The following RIOK3 variants were observed in gnomAD, a reference collection of about 807,000 sequenced individuals.
The protein encoded by RIOK3 is RIO kinase 3.
A neutral mutation model predicts 63.5 loss-of-function variants in RIOK3; 40 were observed. The observed-to-expected ratio is 0.63, with a 90% confidence interval of 0.49 to 0.82. The LOEUF is 0.82. RIOK3 is among the 40% of genes least tolerant of loss of function. The probability of loss-of-function intolerance (pLI) is 0.00; values close to 1 mark genes in which losing one functional copy is unlikely to be tolerated. For missense variants in RIOK3, 557 were observed against 637.0 expected (o/e 0.87, Z 1.35); for synonymous variants, 193 against 205.0 (o/e 0.94, Z 0.50).
chr18:23,478,072 C>CAA (rs537701761), intron 11 of RIOK3, among the ~76,000 whole-genome samples: 10 of 84,914 alleles, frequency 1.2e-4, no homozygotes, highest in South Asian at 3.5e-4. Context: ...ACTCCTTCTC[C>CAA]AAAAAAAAAA....
intron 1 of RIOK3, among the ~76,000 whole-genome samples, chr18:23,454,531 C>A (rs1475851160): frequency 5.3e-5 from 8 of 152,178 alleles, no homozygotes; most frequent in Non-Finnish European, 5.9e-5. Context: ...GATTAGCAGA[C>A]ATAAAAGGAT....
At position 23,479,330 on chromosome 18, in the gene RIOK3, G is replaced by A. The variant is rs572590558; in HGVS notation, c.1358G>A (p.Gly453Glu). The A allele has an allele frequency of 1.9e-6, 3 of 1,609,020 alleles. No homozygotes were observed. Among genetic ancestry groups the A allele is most frequent in the Non-Finnish European group, 1.7e-6 (2 of 1,175,532 alleles). The change falls in exon 12 of 13, where the codon GGA becomes GAA. Residue 453 changes from glycine (G) to glutamate (E), a missense_variant. Transcript: ENST00000339486. The stretch of plus-strand genomic sequence containing the variant: ...TTTCCTTACTAGTTTTTCCAGAAAG[G>A]AGGAGTCAAGGAAGCCCTTAGTGAA... ...CRNVSQFFQK[G>E]GVKEALSERE...
intron 1 of RIOK3, among the ~76,000 whole-genome samples, chr18:23,461,053 C>T (rs1275658628): frequency 6.6e-6 from 1 of 152,196 alleles, no homozygotes; most frequent in Non-Finnish European, 1.5e-5. Flanking sequence ...CTCATTCACT[C>T]AGGCATAAAT....
intron 1 of RIOK3, among the ~76,000 whole-genome samples, chr18:23,455,801 T>G (rs956998703): frequency 6.6e-6 from 1 of 151,704 alleles, no homozygotes; most frequent in African/African-American, 2.4e-5. Flanking sequence ...ACCTAGCTAA[T>G]TTTTGGGTTT....
chr18:23,455,879 C>A (rs929954261), intron 1 of RIOK3, among the ~76,000 whole-genome samples: 1 of 150,812 alleles, frequency 6.6e-6, no homozygotes, highest in Non-Finnish European at 1.5e-5. Context: ...CTCACTGCAA[C>A]CTCCGCCTCC....
At position 23,470,364 on chromosome 18, in the gene RIOK3, CA is replaced by C. The variant is rs761666919; in HGVS notation, c.815+2852del. Among the ~76,000 whole-genome samples, 929 of 108,610 alleles carry C rather than the reference CA, an allele frequency of 8.6e-3. 5 individuals carry two copies. The highest frequency in any genetic ancestry group is 0.016 in the East Asian group (60 of 3,826). The allele number at this position is 108,610 out of a possible 152,430, so 71.3% of individuals were successfully genotyped here. A position where few individuals can be genotyped will look rare whatever the true frequency, so the allele number is the denominator to read the frequency against. The stretch of plus-strand genomic sequence containing the variant: ...TGGGTGACAGAGCAAGATTCCGTCT[CA>C]AAAAAAAAAAAAATCCAATGTTGAG... On this transcript the variant is annotated intron_variant, in intron 7 of 12. Coordinates refer to ENST00000339486, the MANE Select transcript of RIOK3 (RefSeq NM_003831.5).
Position 23,453,821 on chromosome 18 carries a change from A to G in RIOK3, c.63+319A>G, listed in dbSNP as rs571372017. ...ACCCTGATGATACTGGAGGGGAAAC[A>G]AGCACGATCTTGTTTTTCACTGGCC... On this transcript the variant is annotated intron_variant, in intron 1 of 12. Transcript: ENST00000339486. Among the ~76,000 whole-genome samples the G allele has an allele frequency of 9.1e-4, 139 of 152,396 alleles. No homozygotes were observed. In the Middle Eastern group the frequency reaches 0.014, roughly 15 times the overall value.
At chr18:23,474,924 T>C in intron 8 of RIOK3, 24 bp from the exon 9 acceptor site, 1 of 1,572,490 alleles carries the variant, frequency 6.4e-7, no homozygotes, top group Admixed American at 1.7e-5. Context: ...ATCTGTATAT[T>C]CTGAATCATT....
intron 8 of RIOK3, among the ~76,000 whole-genome samples, chr18:23,474,732 C>G (rs1212643942): frequency 1.3e-5 from 2 of 152,188 alleles, no homozygotes; most frequent in Non-Finnish European, 2.9e-5. Context: ...CATACCTCTG[C>G]CAGTGCGTAA....
At chr18:23,473,721 A>G (rs2057471716) in intron 8 of RIOK3, 95 bp downstream of exon 8, 1 of 943,228 alleles carries the variant, frequency 1.1e-6, no homozygotes, top group East Asian at 2.7e-5. Context: ...CATTTATAGA[A>G]ATAATGAAAG....
rs375302868 is a variant in RIOK3, at chr18:23,455,954, T to C, written c.63+2452T>C. On this transcript the variant is annotated intron_variant, in intron 1 of 12. Coordinates refer to ENST00000339486, the MANE Select transcript of RIOK3 (RefSeq NM_003831.5). ...CTGGGACTACAGGTGCATGCCACCA[T>C]GCCCAGCTAATTTTTATATTTTTAG... 2.4e-4 allele frequency among the ~76,000 whole-genome samples: 37 copies of C among 152,178 alleles called. No individual in the cohort carries two copies. The South Asian group carries it at 5.0e-3, about 20-fold the overall frequency.
At chr18:23,469,228 G>A (rs2057430847) in intron 7 of RIOK3, among the ~76,000 whole-genome samples, 1 of 151,690 alleles carries the variant, frequency 6.6e-6, no homozygotes, top group Admixed American at 6.6e-5. Flanking sequence ...AAGGGAAGGA[G>A]GTATTATACA....
At chr18:23,456,960 A>G (rs1004304141) in intron 1 of RIOK3, among the ~76,000 whole-genome samples, 2 of 152,202 alleles carry the variant, frequency 1.3e-5, no homozygotes, top group African/African-American at 4.8e-5. Context: ...TATATCTTAA[A>G]TCTACTCTTT....
chr18:23,480,997 T>G (rs1415124825), intron 12 of RIOK3, among the ~76,000 whole-genome samples, 175 bp from the exon 13 acceptor site: 1 of 152,124 alleles, frequency 6.6e-6, no homozygotes, highest in Non-Finnish European at 1.5e-5. Flanking sequence ...GGAGAATTGC[T>G]TGAACCCAGG....
At chr18:23,459,974 G>T (rs1196851433) in intron 1 of RIOK3, among the ~76,000 whole-genome samples, 1 of 152,218 alleles carries the variant, frequency 6.6e-6, no homozygotes, top group Non-Finnish European at 1.5e-5. Flanking sequence ...GATTACAGGC[G>T]TGAGCCACTG....
rs1234347865 is a variant in RIOK3 at position 23,475,478 on chromosome 18, A to AG, written c.1173+371_1173+372insG. ...ACTCTGTCTCAAAAAAAAAAAAAAAAAATTAAAAATTAGCTGGGCACACAC... is the reference window on the plus strand; with the variant it reads ...ACTCTGTCTCAAAAAAAAAAAAAAAAGAATTAAAAATTAGCTGGGCACACAC... On this transcript the variant is annotated intron_variant, in intron 9 of 12. Coordinates refer to ENST00000339486, the MANE Select transcript of RIOK3 (RefSeq NM_003831.5). 2.3e-3 allele frequency among the ~76,000 whole-genome samples: 340 copies of AG among 151,062 alleles called. 5 individuals are homozygous for AG. The highest frequency in any genetic ancestry group is 0.02 in the Middle Eastern group (6 of 294).
rs1161222153 is a variant in RIOK3 at position 23,455,088 on chromosome 18, T to C, written c.63+1586T>C. On this transcript the variant is annotated intron_variant, in intron 1 of 12. Transcript: ENST00000339486. ...CTTTCCTTTTCATTTATTTATTTAT[T>C]TGAGACGGAGTCTCGCCCTATCGCC... Among the ~76,000 whole-genome samples, 3 of 152,278 alleles carry C rather than the reference T, an allele frequency of 2.0e-5. No individual in the cohort carries two copies. In the East Asian group the frequency reaches 5.8e-4, roughly 29 times the overall value.
intron 12 of RIOK3, among the ~76,000 whole-genome samples, chr18:23,480,080 A>G (rs2057521267): frequency 6.6e-6 from 1 of 152,258 alleles, no homozygotes; most frequent in African/African-American, 2.4e-5. Flanking sequence ...ATAGAAAGTT[A>G]GAAGTGCCTA....
In RIOK3 at chr18:23,473,593, T is replaced by C. The variant is rs992696606; in HGVS notation, c.980T>C (p.Met327Thr). Residue 327 changes from methionine (M) to threonine (T), a missense_variant, in exon 8 of 13, where the codon ATG becomes ACG. Physicochemically the swap from Met to Thr is moderately conservative, Grantham distance 81. This residue lies in a region of RIOK3 where 309 missense variants were observed against 338.7 expected (regional missense o/e 0.91). Transcript: ENST00000339486. Reference sequence around the variant, plus strand: ...CTAAATCCACGTAAGATCATCCGCATGTGGGCAGAAAAAGAAATGCACAAT... The same window carrying C: ...CTAAATCCACGTAAGATCATCCGCACGTGGGCAGAAAAAGAAATGCACAAT... ...SKLNPRKIIR[M>T]WAEKEMHNLA... 1 of 1,613,604 alleles carries C rather than the reference T, an allele frequency of 6.2e-7. No homozygotes were observed. Among genetic ancestry groups the C allele is most frequent in the Non-Finnish European group, 8.5e-7 (1 of 1,179,712 alleles).
Sources: allele counts gnomAD v4.1 joint callset (sites outside exome capture counted in the v4.1 genomes callset), GRCh38; gene constraint gnomAD v4.1.1; regional missense constraint gnomAD v4.1.1; transcripts MANE v1.5; gene names NCBI Gene and HGNC (gene_info 2026-07-23, HGNC 2026-07-21).